The following DACH2 variants were observed in gnomAD, a reference collection of about 807,000 sequenced individuals.
DACH2 encodes the protein dachshund homolog 2.
Under a neutral mutation model 35.8 loss-of-function variants are expected in DACH2, and 17 were observed. The ratio of observed to expected loss-of-function variants is 0.48; its 90% CI spans 0.33 to 0.71. The LOEUF (loss-of-function observed/expected upper bound fraction) is 0.71. Among genes scored for constraint, DACH2 ranks in the 30% least tolerant of loss-of-function variants. DACH2 has a pLI of 0.02. For synonymous variants in DACH2, 195 were observed against 177.3 expected, an observed-to-expected ratio of 1.10 and a Z score of -0.79; for missense variants, 469 against 472.7, an observed-to-expected ratio of 0.99 and a Z score of 0.07.
chrX:86,705,497 A>G (rs2041206037), intron 5 of DACH2, among the ~76,000 whole-genome samples: 1 of 111,468 alleles, frequency 9.0e-6, no homozygotes, highest in South Asian at 3.7e-4. Context: ...AAAATGCTCA[A>G]CATCACTAAT....
At chrX:86,667,534 AAAGAAAGAAAG>A (rs1345346745) in intron 4 of DACH2, among the ~76,000 whole-genome samples, 200 of 57,994 alleles carry the variant, frequency 3.4e-3, no homozygotes, top group East Asian at 9.8e-3. Flanking sequence ...AGAAAGAAAG[AAAGAAAGAAAG>A]AAGAAAGAAA....
intron 3 of DACH2, among the ~76,000 whole-genome samples, chrX:86,591,826 G>A (rs1262781573): frequency 9.0e-6 from 1 of 110,734 alleles, no homozygotes; most frequent in Non-Finnish European, 1.9e-5. Flanking sequence ...GTGAACCACC[G>A]CTCCCGGCTT....
chrX:86,815,942 A>G lies in DACH2; in HGVS notation c.1685-92A>G, dbSNP rs189171742. The G allele has an allele frequency of 1.5e-5, 10 of 683,854 alleles. No homozygotes were observed. The Admixed American group carries it at 4.1e-4, about 28-fold the overall frequency. The allele number at this position is 683,854 out of a possible 1,213,427, so 56.4% of individuals were successfully genotyped here. The stretch of plus-strand genomic sequence containing the variant: ...CCACCCAAGGTCTTATGTTATCTAT[A>G]GGACCAAAGTACTGGCTTACTGGAG... On this transcript the variant is annotated intron_variant, in intron 10 of 11. Transcript: ENST00000373125.
chrX:86,768,366 T>C (rs1422360715), intron 7 of DACH2, among the ~76,000 whole-genome samples: 1 of 111,949 alleles, frequency 8.9e-6, no homozygotes, highest in East Asian at 2.8e-4. Flanking sequence ...TTTCCCTTTG[T>C]GTGGATAATT....
intron 1 of DACH2, among the ~76,000 whole-genome samples, chrX:86,204,760 A>G (rs954910293): frequency 1.8e-5 from 2 of 111,942 alleles, no homozygotes; most frequent in Non-Finnish European, 3.8e-5. Context: ...TTTATCCATG[A>G]TCTGATTTAT....
At chrX:86,295,986 G>C (rs1026682570) in intron 1 of DACH2, among the ~76,000 whole-genome samples, 1 of 110,922 alleles carries the variant, frequency 9.0e-6, no homozygotes, top group Admixed American at 9.7e-5. Flanking sequence ...AAAATGATTG[G>C]TGAAACCTAT....
chrX:86,467,718 A>C (rs2037695778), intron 2 of DACH2, among the ~76,000 whole-genome samples: 1 of 111,759 alleles, frequency 8.9e-6, no homozygotes, highest in Admixed American at 9.6e-5. Context: ...TATAAAGGAA[A>C]GCGGTTTAAT....
chrX:86,356,916 A>G (rs1157698094), intron 1 of DACH2, among the ~76,000 whole-genome samples: 1 of 111,268 alleles, frequency 9.0e-6, no homozygotes, highest in Non-Finnish European at 1.9e-5. Context: ...CTGGAGTAGC[A>G]TACACTGTAC....
intron 6 of DACH2, among the ~76,000 whole-genome samples, chrX:86,733,651 A>G (rs757425192): frequency 1.4e-3 from 155 of 111,491 alleles, no homozygotes; most frequent in Non-Finnish European, 1.3e-3. Context: ...GAAACTGTAT[A>G]ATGTCAGTGT....
At chrX:86,396,514 G>A (rs1321993782) in intron 2 of DACH2, among the ~76,000 whole-genome samples, 13 of 100,252 alleles carry the variant, frequency 1.3e-4, no homozygotes, top group Non-Finnish European at 1.8e-4. Flanking sequence ...GGGTTTTTAT[G>A]GTTTTAGGTC....
At chrX:86,401,848 G>A (rs2036439727) in intron 2 of DACH2, among the ~76,000 whole-genome samples, 1 of 111,494 alleles carries the variant, frequency 9.0e-6, no homozygotes, top group Non-Finnish European at 1.9e-5. Flanking sequence ...CAATAAGGTA[G>A]GCTTTATTCC....
intron 2 of DACH2, among the ~76,000 whole-genome samples, chrX:86,406,476 T>A (rs981903740): frequency 1.8e-5 from 2 of 111,920 alleles, no homozygotes; most frequent in African/African-American, 6.5e-5. Flanking sequence ...AGCCTCAGCA[T>A]CACATCATGC....
At chrX:86,462,230 G>C (rs1425546839) in intron 2 of DACH2, among the ~76,000 whole-genome samples, 1 of 111,562 alleles carries the variant, frequency 9.0e-6, no homozygotes, top group Non-Finnish European at 1.9e-5. Flanking sequence ...ACACCTTATT[G>C]CTCACTCTGA....
intron 4 of DACH2, among the ~76,000 whole-genome samples, chrX:86,676,529 A>T (rs2040827231): frequency 8.9e-6 from 1 of 111,817 alleles, no homozygotes. Flanking sequence ...CGATGATGGA[A>T]ATGTTCTTCC....
intron 4 of DACH2, among the ~76,000 whole-genome samples, chrX:86,663,341 TTAAG>T (rs1462315852): frequency 8.9e-6 from 1 of 112,105 alleles, no homozygotes; most frequent in Non-Finnish European, 1.9e-5. Context: ...AACCTTATCT[TTAAG>T]TAAGATAATT....
At chrX:86,618,763 A>G (rs866347028) in intron 3 of DACH2, among the ~76,000 whole-genome samples, 1 of 112,058 alleles carries the variant, frequency 8.9e-6, no homozygotes, top group African/African-American at 3.2e-5. Context: ...TAGATTTCCT[A>G]CAATTGCCTT....
At chrX:86,434,035 G>T (rs761507004) in intron 2 of DACH2, among the ~76,000 whole-genome samples, 1 of 111,426 alleles carries the variant, frequency 9.0e-6, no homozygotes, top group South Asian at 3.7e-4. Context: ...ACTGTACTAG[G>T]CAGTTTGCTA....
chrX:86,528,203 T>C (rs1419108218), intron 3 of DACH2, among the ~76,000 whole-genome samples: 5 of 111,563 alleles, frequency 4.5e-5, no homozygotes, highest in Non-Finnish European at 9.4e-5. Context: ...TTCTCAGTTT[T>C]GCTTAGGGTC....
chrX:86,251,523 T>C (rs940720675), intron 1 of DACH2, among the ~76,000 whole-genome samples: 8 of 111,208 alleles, frequency 7.2e-5, no homozygotes, highest in Admixed American at 5.8e-4. Flanking sequence ...CCAAAGTCCA[T>C]TGTATCATTC....
Sources: allele counts gnomAD v4.1 joint callset (sites outside exome capture counted in the v4.1 genomes callset), GRCh38; gene constraint gnomAD v4.1.1; transcripts MANE v1.5; gene names NCBI Gene and HGNC (gene_info 2026-07-23, HGNC 2026-07-21).